The following LYRM4 variants were observed in gnomAD, a reference collection of about 807,000 sequenced individuals.
LYRM4 encodes LYR motif containing 4.
Under a neutral mutation model 11.7 loss-of-function variants are expected in LYRM4, and 9 were observed. The ratio of observed to expected loss-of-function variants is 0.77; its 90% CI spans 0.46 to 1.34. LYRM4 has a LOEUF of 1.34. LYRM4 is among the 40% of genes most tolerant of loss of function. LYRM4 has a pLI of 0.00. For missense variants in LYRM4, 133 were observed against 112.5 expected, an observed-to-expected ratio of 1.18 and a Z score of -0.82; for synonymous variants, 42 against 40.4, an observed-to-expected ratio of 1.04 and a Z score of -0.15.
intron 2 of LYRM4, among the ~76,000 whole-genome samples, chr6:5,169,490 T>A (rs757574331): frequency 6.6e-6 from 1 of 152,166 alleles, no homozygotes; most frequent in Non-Finnish European, 1.5e-5. Context: ...ACTGAGCAGA[T>A]AACTATACAA....
At chr6:5,234,044 CG>C (rs1432260189) in intron 1 of LYRM4, among the ~76,000 whole-genome samples, 71 of 152,272 alleles carry the variant, frequency 4.7e-4, no homozygotes, top group Middle Eastern at 3.4e-3. Flanking sequence ...TGGTTTAAAA[CG>C]GGTCACCACA....
intron 1 of LYRM4, among the ~76,000 whole-genome samples, chr6:5,247,523 TA>T (rs1322002878): frequency 5.9e-5 from 9 of 152,340 alleles, no homozygotes; most frequent in African/African-American, 2.2e-4. Flanking sequence ...ATATCACTCT[TA>T]GGAATCAGAT....
intron 1 of LYRM4, among the ~76,000 whole-genome samples, chr6:5,234,636 ATTC>A (rs1327162577): frequency 6.6e-6 from 1 of 152,228 alleles, no homozygotes; most frequent in African/African-American, 2.4e-5. Context: ...TAAATATAGA[ATTC>A]AAAACCCAAG....
At chr6:5,096,709 G>C in the LYRM4 span, among the ~76,000 whole-genome samples, 5 of 152,144 alleles carry the variant, frequency 3.3e-5, no homozygotes, top group Non-Finnish European at 7.3e-5. Context: ...CAAAATAGGG[G>C]CGGTAACTCC....
downstream of LYRM4, chr6:5,105,228 C>T (rs1336159505): frequency 6.6e-6 from 1 of 152,292 alleles, no homozygotes; most frequent in Non-Finnish European, 1.5e-5. Context: ...CTAGACCAGG[C>T]TAGGGGACTC....
chr6:5,144,643 A>G (rs1757607960), intron 2 of LYRM4, among the ~76,000 whole-genome samples: 1 of 151,314 alleles, frequency 6.6e-6, no homozygotes, highest in South Asian at 2.1e-4. Flanking sequence ...AAAAAAAAAA[A>G]AAAAAAAAAA....
chr6:5,174,661 T>C (rs1217362407), intron 2 of LYRM4, among the ~76,000 whole-genome samples: 2 of 152,340 alleles, frequency 1.3e-5, no homozygotes, highest in Admixed American at 6.5e-5. Context: ...ACTGTTTATT[T>C]TGTCTAATTT....
the LYRM4 span, among the ~76,000 whole-genome samples, chr6:5,065,494 G>C: frequency 3.3e-5 from 5 of 152,166 alleles, no homozygotes; most frequent in South Asian, 8.3e-4. Flanking sequence ...TCCTCAAGAA[G>C]ATGCAAAAAT....
chr6:5,151,194 C>T (rs1346956684), intron 2 of LYRM4, among the ~76,000 whole-genome samples: 1 of 151,856 alleles, frequency 6.6e-6, no homozygotes, highest in Non-Finnish European at 1.5e-5. Flanking sequence ...AGGGATCCTC[C>T]TGCCTCAGCC....
the LYRM4 span, among the ~76,000 whole-genome samples, chr6:5,045,651 T>C: frequency 1.3e-5 from 2 of 152,318 alleles, no homozygotes; most frequent in Admixed American, 1.3e-4. Flanking sequence ...CTTACTGGCT[T>C]GTTAAGAAGA....
intron 2 of LYRM4, among the ~76,000 whole-genome samples, chr6:5,157,042 T>A (rs1174413265): frequency 6.6e-6 from 1 of 152,188 alleles, no homozygotes; most frequent in Non-Finnish European, 1.5e-5. Context: ...TTTCCAGAAT[T>A]TCCCCCTTCG....
chr6:5,131,401 G>GA (rs897243391), intron 2 of LYRM4, among the ~76,000 whole-genome samples: 65 of 152,256 alleles, frequency 4.3e-4, no homozygotes, highest in African/African-American at 1.4e-3. Context: ...GAGAATACAT[G>GA]AAAAAAATTT....
intron 2 of LYRM4, among the ~76,000 whole-genome samples, chr6:5,116,517 G>A (rs1420682327): frequency 1.3e-5 from 2 of 152,230 alleles, no homozygotes; most frequent in Non-Finnish European, 2.9e-5. Context: ...GATTGCTGCC[G>A]TGGTGCTAAT....
the LYRM4 span, among the ~76,000 whole-genome samples, chr6:5,051,594 T>C: frequency 6.6e-6 from 1 of 152,300 alleles, no homozygotes. Context: ...CCAGCAAAAC[T>C]ATCCTTTAAA....
chr6:5,132,936 T>C (rs1339629256), intron 2 of LYRM4: 1 of 152,212 alleles, frequency 6.6e-6, no homozygotes, highest in African/African-American at 2.4e-5. Context: ...GACATTTCCT[T>C]CCCAGGGTAG....
intron 1 of LYRM4, among the ~76,000 whole-genome samples, chr6:5,248,545 CA>C (rs1438932669): frequency 2.6e-5 from 4 of 152,246 alleles, no homozygotes; most frequent in Non-Finnish European, 4.4e-5. Context: ...ATGCCATCAG[CA>C]ACACAGAGTG....
intron 1 of LYRM4, among the ~76,000 whole-genome samples, chr6:5,224,763 C>T (rs1762779319): frequency 2.0e-5 from 3 of 151,828 alleles, no homozygotes; most frequent in Admixed American, 2.0e-4. Flanking sequence ...AGTTTGAGAC[C>T]AGCCTGACCA....
At chr6:5,253,342 A>G (rs993189049) in intron 1 of LYRM4, among the ~76,000 whole-genome samples, 3 of 152,064 alleles carry the variant, frequency 2.0e-5, no homozygotes, top group African/African-American at 7.2e-5. Flanking sequence ...CAGTTTTTGC[A>G]TTGCTGGAAT....
chr6:5,057,350 C>G, the LYRM4 span, among the ~76,000 whole-genome samples: 3 of 152,220 alleles, frequency 2.0e-5, no homozygotes, highest in East Asian at 5.8e-4. Flanking sequence ...CCCTGCCCAC[C>G]CTTTCCCTCA....
Sources: allele counts gnomAD v4.1 joint callset (sites outside exome capture counted in the v4.1 genomes callset), GRCh38; gene constraint gnomAD v4.1.1; transcripts MANE v1.5; gene names NCBI Gene and HGNC (gene_info 2026-07-23, HGNC 2026-07-21).